The following SHB variants were observed in gnomAD, a reference collection of about 807,000 sequenced individuals.
SHB encodes the protein SH2 domain containing adaptor protein B.
SHB carries 20 observed loss-of-function variants against 52.3 expected under a neutral mutation model. The ratio of observed to expected loss-of-function variants is 0.38; its 90% CI spans 0.27 to 0.56. SHB has a LOEUF of 0.56. Among genes scored for constraint, SHB ranks in the 20% least tolerant of loss-of-function variants. The pLI is 0.71. For missense variants in SHB, 825 were observed against 723.3 expected (o/e 1.14, Z -1.61); for synonymous variants, 397 against 316.5 (o/e 1.25, Z -2.70).
At chr9:38,065,869 C>A (rs1313525668) in intron 1 of SHB, among the ~76,000 whole-genome samples, 2 of 152,174 alleles carry the variant, frequency 1.3e-5, no homozygotes, top group Non-Finnish European at 2.9e-5. Context: ...TTCCCTGAAG[C>A]ACAGGGTTCT....
intron 5 of SHB, among the ~76,000 whole-genome samples, chr9:37,924,883 A>G (rs555171204): frequency 5.4e-4 from 83 of 152,322 alleles, no homozygotes; most frequent in African/African-American, 1.9e-3. Context: ...TGAACTCCAA[A>G]GCCTGGCATT....
intron 5 of SHB, among the ~76,000 whole-genome samples, chr9:37,946,439 G>A (rs1587204794): frequency 6.6e-6 from 1 of 152,306 alleles, no homozygotes; most frequent in Non-Finnish European, 1.5e-5. Context: ...GAGACAGCTG[G>A]CACTATTACT....
chr9:38,006,679 G>A (rs916189148), intron 2 of SHB, among the ~76,000 whole-genome samples: 8 of 152,330 alleles, frequency 5.3e-5, no homozygotes, highest in African/African-American at 1.7e-4. Context: ...CGAGGGGCCT[G>A]AGCCCTCGCT....
chr9:37,958,050 G>A (rs142852370), intron 3 of SHB, among the ~76,000 whole-genome samples: 2 of 152,218 alleles, frequency 1.3e-5, no homozygotes, highest in Admixed American at 1.3e-4. Context: ...GTTCTGACTG[G>A]GCGCTTCCTT....
chr9:38,047,224 T>A (rs1291510425), intron 1 of SHB, among the ~76,000 whole-genome samples: 2 of 152,240 alleles, frequency 1.3e-5, no homozygotes, highest in Non-Finnish European at 2.9e-5. Context: ...TGCTTACTTG[T>A]ATGAAAAATA....
intron 5 of SHB, among the ~76,000 whole-genome samples, chr9:37,948,330 A>G (rs758990075): frequency 2.0e-5 from 3 of 152,242 alleles, no homozygotes; most frequent in Non-Finnish European, 4.4e-5. Context: ...CTTTGAGAGC[A>G]GGATGAGGCA....
At chr9:37,947,056 C>T (rs1832500654) in intron 5 of SHB, among the ~76,000 whole-genome samples, 1 of 152,214 alleles carries the variant, frequency 6.6e-6, no homozygotes, top group African/African-American at 2.4e-5. Flanking sequence ...GCTCCTCTGG[C>T]TTTGGCCACC....
At chr9:37,965,818 G>A (rs1820506476) in intron 3 of SHB, among the ~76,000 whole-genome samples, 1 of 152,158 alleles carries the variant, frequency 6.6e-6, no homozygotes, top group South Asian at 2.1e-4. Context: ...CCTGGGCCAA[G>A]TTGTCTCTGT....
chr9:37,923,551 T>C (rs78223736), intron 5 of SHB, among the ~76,000 whole-genome samples: 3,365 of 152,234 alleles, frequency 0.022, 56 homozygotes, highest in Non-Finnish European at 0.037. Context: ...GCTGTGACAA[T>C]ACATTCTCAT....
At chr9:38,060,432 A>G (rs564647259) in intron 1 of SHB, among the ~76,000 whole-genome samples, 1 of 152,134 alleles carries the variant, frequency 6.6e-6, no homozygotes, top group Non-Finnish European at 1.5e-5. Context: ...TGGCCTCCCA[A>G]TGTGCTGGGA....
chr9:37,950,707 C>T (rs909552852), intron 4 of SHB, among the ~76,000 whole-genome samples: 1 of 152,120 alleles, frequency 6.6e-6, no homozygotes, highest in Non-Finnish European at 1.5e-5. Context: ...TTCTATTAAG[C>T]GAGGATCATG....
intron 5 of SHB, 25 bp downstream of exon 5, chr9:37,948,610 T>G (rs1332329614): frequency 6.2e-7 from 1 of 1,612,034 alleles, no homozygotes; most frequent in South Asian, 1.1e-5. Context: ...CGAGGAGGGC[T>G]GGGGGTGCTC....
intron 1 of SHB, among the ~76,000 whole-genome samples, chr9:38,030,274 C>T (rs1215553581): frequency 1.3e-5 from 2 of 152,202 alleles, no homozygotes; most frequent in African/African-American, 4.8e-5. Flanking sequence ...AACTTCCCCC[C>T]TCAGAGATGT....
At chr9:37,977,189 G>A (rs1214065698) in intron 2 of SHB, among the ~76,000 whole-genome samples, 1 of 152,074 alleles carries the variant, frequency 6.6e-6, no homozygotes, top group African/African-American at 2.4e-5. Flanking sequence ...CATCCCATAA[G>A]CCATTATTCT....
rs534687656 is a variant in SHB at position 38,007,008 on chromosome 9, C to T, written c.838+9003G>A. ...GCCACAGCATCTAGTAAATGAGTTTCGGGGAATCATGGGTAGGCTACTGCC... is the reference window on the plus strand; with the variant it reads ...GCCACAGCATCTAGTAAATGAGTTTTGGGGAATCATGGGTAGGCTACTGCC... On this transcript the variant is annotated intron_variant, in intron 2 of 5. Coordinates refer to ENST00000377707, the MANE Select transcript of SHB (RefSeq NM_003028.3). Among the ~76,000 whole-genome samples, 11 of 152,294 alleles carry T rather than the reference C, an allele frequency of 7.2e-5. No homozygotes were observed. The South Asian group carries it at 1.0e-3, about 14-fold the overall frequency.
chr9:37,946,406 G>C (rs990046991), intron 5 of SHB, among the ~76,000 whole-genome samples: 2 of 152,182 alleles, frequency 1.3e-5, no homozygotes, highest in African/African-American at 4.8e-5. Context: ...AATGCACAGG[G>C]GACTGAGAAA....
chr9:37,946,740 C>G (rs998513540), intron 5 of SHB, among the ~76,000 whole-genome samples: 2 of 152,194 alleles, frequency 1.3e-5, no homozygotes, highest in Non-Finnish European at 2.9e-5. Flanking sequence ...TTCGTGGAGG[C>G]CCCTCCAGGC....
At chr9:37,941,070 G>A (rs1476044291) in intron 5 of SHB, among the ~76,000 whole-genome samples, 1 of 152,204 alleles carries the variant, frequency 6.6e-6, no homozygotes, top group Non-Finnish European at 1.5e-5. Flanking sequence ...AGCCTGGATT[G>A]GACTCCAGTT....
At chr9:37,949,248 C>T (rs1048325498) in intron 4 of SHB, among the ~76,000 whole-genome samples, 3 of 151,890 alleles carry the variant, frequency 2.0e-5, no homozygotes, top group African/African-American at 7.3e-5. Context: ...CAAAAATTAG[C>T]CGGGCGTGGT....
Sources: gnomAD v4.1 joint callset for allele counts (sites outside exome capture counted in the v4.1 genomes callset) on GRCh38, gnomAD v4.1.1 for gene constraint, MANE v1.5 for transcripts, NCBI Gene and HGNC (gene_info 2026-07-23, HGNC 2026-07-21) for gene names.